The following ARHGAP44 variants were observed in gnomAD, a reference collection of about 807,000 sequenced individuals.
ARHGAP44 encodes rho GTPase-activating protein 44.
ARHGAP44 carries 43 observed loss-of-function variants against 106.8 expected under a neutral mutation model. The observed-to-expected ratio is 0.40, with a 90% CI of 0.32 to 0.52. The LOEUF (loss-of-function observed/expected upper bound fraction) is 0.52. ARHGAP44 is among the 20% of genes least tolerant of loss of function. The probability of loss-of-function intolerance (pLI) is 0.48; values close to 1 mark genes in which losing one functional copy is unlikely to be tolerated. For missense variants in ARHGAP44, 866 were observed against 1,050.5 expected, an observed-to-expected ratio of 0.82 and a Z score of 2.43; for synonymous variants, 439 against 410.3, an observed-to-expected ratio of 1.07 and a Z score of -0.85.
At chr17:12,978,036 CAAAA>C (rs1157325814) in intron 18 of ARHGAP44, among the ~76,000 whole-genome samples, 1,403 of 89,340 alleles carry the variant, frequency 0.016, 64 homozygotes, top group African/African-American at 0.056. Context: ...GACTCCATCT[CAAAA>C]AAAAAAAAAA....
In ARHGAP44 at chr17:12,990,047, A is replaced by T. The variant is rs1454421836; in HGVS notation, c.2333A>T (p.Asp778Val). The T allele has an allele frequency of 6.2e-7, 1 of 1,604,364 alleles. No individual in the cohort carries two copies. Among genetic ancestry groups the T allele is most frequent in the Non-Finnish European group, 8.5e-7 (1 of 1,171,892 alleles). ...ESMSTDLVHF[D>V]IPSIHIELGS... The stretch of plus-strand genomic sequence containing the variant: ...CGCCTTCCAGATCTTGTCCACTTTG[A>T]TATTCCCTCGATCCACATAGAGCTC... Residue 778 changes from aspartate to valine, a missense_variant, in exon 21 of 21, where the codon GAT (aspartate) becomes GTT (valine). Asp to Val is a radical substitution (Grantham distance 152). This residue lies in a region of ARHGAP44 where 418 missense variants were observed against 403.6 expected (regional missense o/e 1.04). Coordinates refer to ENST00000379672, the MANE Select transcript of ARHGAP44 (RefSeq NM_014859.6).
intron 3 of ARHGAP44, among the ~76,000 whole-genome samples, chr17:12,908,549 A>G (rs775469328): frequency 6.6e-6 from 1 of 152,168 alleles, no homozygotes; most frequent in Non-Finnish European, 1.5e-5. Flanking sequence ...CTTAAGAGAC[A>G]TATTATTTTT....
chr17:12,791,526 C>T (rs1387153622), intron 1 of ARHGAP44, among the ~76,000 whole-genome samples: 1 of 152,194 alleles, frequency 6.6e-6, no homozygotes, highest in East Asian at 1.9e-4. Flanking sequence ...GTTTCAGTGC[C>T]GTGCTAGAAT....
intron 16 of ARHGAP44, among the ~76,000 whole-genome samples, chr17:12,972,705 A>G (rs1405554294): frequency 6.7e-6 from 1 of 150,212 alleles, no homozygotes; most frequent in Non-Finnish European, 1.5e-5. Flanking sequence ...TCTGTCACCC[A>G]GGCTGGAGTG....
intron 3 of ARHGAP44, among the ~76,000 whole-genome samples, chr17:12,908,255 G>A (rs2037622499): frequency 7.0e-6 from 1 of 142,714 alleles, no homozygotes; most frequent in African/African-American, 2.7e-5. Context: ...GGAGTGCAGT[G>A]GCACAATCTC....
In ARHGAP44 at chr17:12,984,587, A is replaced by G. The variant is rs770112477; in HGVS notation, c.1996A>G (p.Met666Val). 1.3e-6 allele frequency: 2 copies of G among 1,597,504 alleles called. No individual in the cohort carries two copies. Among genetic ancestry groups the G allele is most frequent in the Non-Finnish European group, 1.7e-6 (2 of 1,172,558 alleles). ...PKVPFGQPGAMADQSAGQPSP... is the reference protein window; with the variant it reads ...PKVPFGQPGAVADQSAGQPSP... ...GGTCCCCTTTGGCCAGCCGGGGGCT[A>G]TGGCAGACCAGTCCGCTGGCCAGCC... Residue 666 changes from methionine (M) to valine (V), a missense_variant, in exon 20 of 21, where the codon ATG (methionine) becomes GTG (valine). By Grantham distance (21) the Met-to-Val change is conservative. This residue lies in a region of ARHGAP44 where 418 missense variants were observed against 403.6 expected (regional missense o/e 1.04). Coordinates refer to ENST00000379672, the MANE Select transcript of ARHGAP44 (RefSeq NM_014859.6).
intron 1 of ARHGAP44, among the ~76,000 whole-genome samples, chr17:12,794,019 C>T (rs16946604): frequency 0.064 from 9,723 of 152,222 alleles, 327 homozygotes; most frequent in Middle Eastern, 0.11. Context: ...GAGAGAGGAA[C>T]AGCTGCACTT....
In ARHGAP44 at chr17:12,913,668, C is replaced by T. The variant is rs534224024; in HGVS notation, c.276-2232C>T. Among the ~76,000 whole-genome samples, 251 of 121,924 alleles carry T rather than the reference C, an allele frequency of 2.1e-3. 2 individuals carry two copies. Among genetic ancestry groups the T allele is most frequent in the African/African-American group, 0.011 (238 of 22,614 alleles). 80.0% of individuals were successfully genotyped at this position (121,924 alleles called of 152,430 possible). On this transcript the variant is annotated intron_variant, in intron 4 of 20. Transcript: ENST00000379672. The stretch of plus-strand genomic sequence containing the variant: ...GTGGCTCACGCCTGTAATCCTAACA[C>T]TTTGGGAGGCCGAGGCAGGTGGATT...
chr17:12,849,529 AT>A lies in ARHGAP44; in HGVS notation c.54-45409del, dbSNP rs561864656. 1.4e-3 allele frequency among the ~76,000 whole-genome samples: 190 copies of A among 139,806 alleles called. 1 individual carries two copies. The highest frequency in any genetic ancestry group is 5.1e-3 in the African/African-American group (184 of 36,194). 91.7% of individuals were successfully genotyped at this position (139,806 alleles called of 152,430 possible). A position where few individuals can be genotyped will look rare whatever the true frequency, so the allele number is the denominator to read the frequency against. On this transcript the variant is annotated intron_variant, in intron 1 of 20. Transcript: ENST00000379672. ...GGAACCAAATCTCTCTGCTTCTGAC[AT>A]TAGTGCAGCAACCTAGTCTTTCCTT...
intron 13 of ARHGAP44, among the ~76,000 whole-genome samples, chr17:12,955,613 A>T (rs2039107420): frequency 6.6e-6 from 1 of 152,148 alleles, no homozygotes; most frequent in African/African-American, 2.4e-5. Flanking sequence ...AGAAGGAAAG[A>T]AGGAGACTTT....
At chr17:12,847,804 C>T (rs2035617271) in intron 1 of ARHGAP44, among the ~76,000 whole-genome samples, 1 of 152,152 alleles carries the variant, frequency 6.6e-6, no homozygotes, top group African/African-American at 2.4e-5. Context: ...CGCGCCCGGC[C>T]CATCACTCTT....
intron 20 of ARHGAP44, among the ~76,000 whole-genome samples, chr17:12,989,797 A>C (rs899714718): frequency 1.3e-5 from 2 of 152,130 alleles, no homozygotes; most frequent in Non-Finnish European, 2.9e-5. Context: ...CTTCCTCTGA[A>C]CCACAGTGGC....
intron 1 of ARHGAP44, among the ~76,000 whole-genome samples, chr17:12,893,771 C>G (rs545982333): frequency 2.4e-4 from 36 of 152,238 alleles, no homozygotes; most frequent in African/African-American, 8.4e-4. Context: ...TAGGCTGCTC[C>G]TTTCTTTGTC....
chr17:12,820,144 T>G (rs1354365348), intron 1 of ARHGAP44, among the ~76,000 whole-genome samples: 2 of 152,154 alleles, frequency 1.3e-5, no homozygotes, highest in East Asian at 3.8e-4. Context: ...CAGCATTTAT[T>G]CCCCATTGTA....
At chr17:12,901,587 G>A (rs2150928245) in intron 3 of ARHGAP44, among the ~76,000 whole-genome samples, 1 of 152,220 alleles carries the variant, frequency 6.6e-6, no homozygotes, top group Middle Eastern at 3.4e-3. Context: ...TGGTAACTGA[G>A]TGGATGTGGG....
At chr17:12,810,519 G>A (rs2034406350) in intron 1 of ARHGAP44, among the ~76,000 whole-genome samples, 1 of 152,182 alleles carries the variant, frequency 6.6e-6, no homozygotes, top group African/African-American at 2.4e-5. Context: ...ACAACCATGT[G>A]ACAAATGGGT....
rs371418091 is a variant in ARHGAP44, at chr17:12,805,839, G to C, written c.53+15948G>C. 5.3e-5 allele frequency among the ~76,000 whole-genome samples: 8 copies of C among 152,318 alleles called. No homozygotes were observed. The South Asian group carries it at 8.3e-4, about 16-fold the overall frequency. On this transcript the variant is annotated intron_variant, in intron 1 of 20. Transcript: ENST00000379672. ...GCAGAGGGAGTTGAGCTGTGATGCA[G>C]TCTCCACAAAGGCTTCAGCTGGTTC...
At chr17:12,873,353 A>G (rs1597977636) in intron 1 of ARHGAP44, among the ~76,000 whole-genome samples, 1 of 152,170 alleles carries the variant, frequency 6.6e-6, no homozygotes, top group Non-Finnish European at 1.5e-5. Flanking sequence ...GCCTTTCTCA[A>G]TGACTCTCCA....
chr17:12,820,359 G>A (rs2034730962), intron 1 of ARHGAP44, among the ~76,000 whole-genome samples: 1 of 151,784 alleles, frequency 6.6e-6, no homozygotes, highest in Admixed American at 6.6e-5. Flanking sequence ...AACTACTCAG[G>A]ATTTAATAAC....
Sources: allele counts gnomAD v4.1 joint callset (sites outside exome capture counted in the v4.1 genomes callset), GRCh38; gene constraint gnomAD v4.1.1; regional missense constraint gnomAD v4.1.1; transcripts MANE v1.5; gene names NCBI Gene and HGNC (gene_info 2026-07-23, HGNC 2026-07-21).